The following ZNF519 variants were observed in gnomAD, a reference collection of about 807,000 sequenced individuals.
ZNF519 encodes similar to Zinc finger protein 85 (Zinc finger protein HPF4) (HTF1).
A neutral mutation model predicts 7.4 loss-of-function variants in ZNF519; 7 were observed. That is an observed-to-expected ratio of 0.94 (90% CI 0.54 to 1.77). The LOEUF is 1.77. Among genes scored for constraint, ZNF519 ranks in the 40% most tolerant of loss-of-function variants. The pLI is 0.00. For synonymous variants in ZNF519, 179 were observed against 203.3 expected (o/e 0.88, Z 1.02); for missense variants, 586 against 623.1 (o/e 0.94, Z 0.63).
At position 14,104,954 on chromosome 18, in the gene ZNF519, G is replaced by A; in HGVS notation, c.1586C>T (p.Ser529Leu). 1 of 1,581,772 alleles carries A rather than the reference G, an allele frequency of 6.3e-7. No individual in the cohort carries two copies. Among genetic ancestry groups the A allele is most frequent in the East Asian group, 2.2e-5 (1 of 44,746 alleles). ...AATTATTTGATGTTGAGTAAGGGTT[G>A]AGCGTCTGTTAAAAGCTTTGCCACA... ...KECGKAFNRR[S>L]TLTQHQIIHT... Residue 529 changes from serine to leucine, a missense_variant, in exon 3 of 3, where the codon TCA becomes TTA. Coordinates refer to ENST00000590202, the MANE Select transcript of ZNF519 (RefSeq NM_145287.4).
chr18:14,080,226 A>C (rs2046065033), intron 3 of ZNF519: 1 of 151,466 alleles, frequency 6.6e-6, no homozygotes, highest in Non-Finnish European at 1.5e-5. Context: ...ACAACACCAA[A>C]TGCTGGCAAA....
At chr18:14,085,742 G>A (rs2046088027) in intron 2 of ZNF519, among the ~76,000 whole-genome samples, 1 of 152,104 alleles carries the variant, frequency 6.6e-6, no homozygotes, top group Admixed American at 6.5e-5. Flanking sequence ...CCCAGTGTTG[G>A]GCCCAGCACA....
At chr18:14,116,611 G>C (rs750828488) in intron 2 of ZNF519, among the ~76,000 whole-genome samples, 8 of 152,162 alleles carry the variant, frequency 5.3e-5, no homozygotes, top group African/African-American at 1.4e-4. Context: ...ATCCACATGG[G>C]AAAAATTGAG....
At position 14,105,077 on chromosome 18, in the gene ZNF519, A is replaced by G; in HGVS notation, c.1463T>C (p.Phe488Ser). 6.2e-7 allele frequency: 1 copy of G among 1,611,578 alleles called. No homozygotes were observed. Among genetic ancestry groups the G allele is most frequent in the Non-Finnish European group, 8.5e-7 (1 of 1,179,006 alleles). ...HQRVHTGEKF[F>S]KCKECGKAFT... Reference sequence around the variant, plus strand: ...AGCTTTGCCACATTCTTTACATTTGAAGAATTTCTCTCCAGTATGGACTCT... The same window carrying G: ...AGCTTTGCCACATTCTTTACATTTGGAGAATTTCTCTCCAGTATGGACTCT... The change falls in exon 3 of 3, where the codon TTC becomes TCC. Residue 488 changes from phenylalanine (F) to serine (S), a missense_variant. Coordinates refer to ENST00000590202, the MANE Select transcript of ZNF519 (RefSeq NM_145287.4).
intron 1 of ZNF519, among the ~76,000 whole-genome samples, chr18:14,129,830 TCC>T (rs1567957305): frequency 1.3e-5 from 2 of 151,030 alleles, no homozygotes; most frequent in African/African-American, 4.9e-5. Flanking sequence ...CACATTCCCC[TCC>T]TCAAGCTCAA....
chr18:14,079,528 G>A (rs879776954), intron 3 of ZNF519, among the ~76,000 whole-genome samples: 1 of 152,156 alleles, frequency 6.6e-6, no homozygotes, highest in South Asian at 2.1e-4. Context: ...TAAAGCTACC[G>A]TTATGAAGAC....
In ZNF519 at chr18:14,105,125, C is replaced by T. The variant is rs1328138205; in HGVS notation, c.1415G>A (p.Gly472Asp). 2 of 1,613,080 alleles carry T rather than the reference C, an allele frequency of 1.2e-6. No homozygotes were observed. The highest frequency in any genetic ancestry group is 1.7e-5 in the Admixed American group (1 of 59,896). The change falls in exon 3 of 3, where the codon GGC (glycine) becomes GAC (aspartate). Residue 472 changes from glycine to aspartate, a missense_variant. Physicochemically the swap from Gly to Asp is moderately conservative, Grantham distance 94. Transcript: ENST00000590202. ...CEECGKAFIW[G>D]SHLTQHQRVH... ...TCTCTGATGTTGAGTAAGGTGTGAG[C>T]CCCAGATAAAAGCTTTGCCACATTC...
rs2143124882 is a variant in ZNF519 at position 14,105,106 on chromosome 18, A to G, written c.1434T>C (p.His478=). ...AFIWGSHLTQ[H]QRVHTGEKFF... ...ATTTCTCTCCAGTATGGACTCTCTGATGTTGAGTAAGGTGTGAGCCCCAGA... is the reference window on the plus strand; with the variant it reads ...ATTTCTCTCCAGTATGGACTCTCTGGTGTTGAGTAAGGTGTGAGCCCCAGA... The change falls in exon 3 of 3, where the codon CAT becomes CAC. Residue 478 remains histidine, a synonymous_variant. Transcript: ENST00000590202. 6.2e-7 allele frequency: 1 copy of G among 1,613,098 alleles called. No individual in the cohort carries two copies. Among genetic ancestry groups the G allele is most frequent in the East Asian group, 2.2e-5 (1 of 44,864 alleles).
intron 2 of ZNF519, among the ~76,000 whole-genome samples, chr18:14,088,469 T>G (rs2046100595): frequency 6.6e-6 from 1 of 152,194 alleles, no homozygotes. Context: ...TGTTCATATT[T>G]TATTGTTCAT....
chr18:14,104,775 C>A lies in ZNF519; in HGVS notation c.*142G>T, dbSNP rs2046179164. 3.1e-6 allele frequency: 3 copies of A among 963,548 alleles called. No individual in the cohort carries two copies. Among genetic ancestry groups the A allele is most frequent in the Non-Finnish European group, 4.3e-6 (3 of 694,524 alleles). The allele number at this position is 963,548 out of a possible 1,614,324, so 59.7% of individuals were successfully genotyped here. On this transcript the variant is annotated 3_prime_UTR_variant, in exon 3 of 3. Transcript: ENST00000590202. ...CTTAGTTCTTTCTAAAGTGACACTT[C>A]TAATTTTTATTTAATCTTCATTTTG...
At chr18:14,121,254 T>C (rs946252083) in intron 2 of ZNF519, among the ~76,000 whole-genome samples, 3 of 152,050 alleles carry the variant, frequency 2.0e-5, no homozygotes, top group African/African-American at 7.2e-5. Flanking sequence ...TAATGTACAT[T>C]AGCATTAGAT....
chr18:14,097,838 T>C (rs143917120), downstream of ZNF519, among the ~76,000 whole-genome samples: 210 of 152,316 alleles, frequency 1.4e-3, no homozygotes, highest in African/African-American at 4.6e-3. Context: ...TTTGTGTGTA[T>C]ATGTATGTTT....
intron 2 of ZNF519, among the ~76,000 whole-genome samples, chr18:14,120,669 C>T (rs2046265836): frequency 6.6e-6 from 1 of 151,846 alleles, no homozygotes; most frequent in South Asian, 2.1e-4. Flanking sequence ...TAAGAAACTT[C>T]TGCAATTCAA....
rs955508495 is a variant in ZNF519, at chr18:14,103,177, CA to C, written c.*1739del. 3 of 151,944 alleles carry C rather than the reference CA, an allele frequency of 2.0e-5. No homozygotes were observed. The highest frequency in any genetic ancestry group is 7.2e-5 in the African/African-American group (3 of 41,384). 9.4% of individuals were successfully genotyped at this position (151,944 alleles called of 1,614,324 possible). A position where few individuals can be genotyped will look rare whatever the true frequency, so the allele number is the denominator to read the frequency against. ...AAAAGTGGGAAGATCAACAGGAAAA[CA>C]TAACACTTGAACACTGTAAACAAAT... On this transcript the variant is annotated 3_prime_UTR_variant, in exon 3 of 3. Transcript: ENST00000590202.
chr18:14,088,494 G>C (rs377338078), intron 2 of ZNF519, among the ~76,000 whole-genome samples: 1 of 152,156 alleles, frequency 6.6e-6, no homozygotes, highest in East Asian at 1.9e-4. Context: ...AAGTGCATAT[G>C]ATACAGGTTG....
intron 2 of ZNF519, among the ~76,000 whole-genome samples, chr18:14,113,093 T>C (rs2046229818): frequency 6.6e-6 from 1 of 152,224 alleles, no homozygotes; most frequent in African/African-American, 2.4e-5. Context: ...TTTGTGTATA[T>C]GTACATTGGC....
intron 2 of ZNF519, among the ~76,000 whole-genome samples, chr18:14,119,260 T>C (rs1340506567): frequency 6.6e-6 from 1 of 152,096 alleles, no homozygotes; most frequent in African/African-American, 2.4e-5. Context: ...CAAAAGGAGA[T>C]CTTTACCTGC....
At chr18:14,120,397 T>C (rs534974848) in intron 2 of ZNF519, among the ~76,000 whole-genome samples, 12 of 152,094 alleles carry the variant, frequency 7.9e-5, no homozygotes, top group African/African-American at 2.7e-4. Context: ...TAAAATTAAC[T>C]AAAAATAAAA....
At chr18:14,089,149 A>G (rs989042430) in intron 2 of ZNF519, among the ~76,000 whole-genome samples, 3 of 152,208 alleles carry the variant, frequency 2.0e-5, no homozygotes, top group Non-Finnish European at 1.5e-5. Flanking sequence ...TTTGGTCTAA[A>G]ATGACTAGGT....
Sources: allele counts gnomAD v4.1 joint callset (sites outside exome capture counted in the v4.1 genomes callset), GRCh38; gene constraint gnomAD v4.1.1; transcripts MANE v1.5; gene names NCBI Gene and HGNC (gene_info 2026-07-23, HGNC 2026-07-21).